ATRNL1: variants seen among roughly 807,000 people sequenced by gnomAD.
ATRNL1 encodes attractin like 1.
ATRNL1 carries 95 observed loss-of-function variants against 182.7 expected under a neutral mutation model. That is an observed-to-expected ratio of 0.52 (90% CI 0.44 to 0.62). The LOEUF (loss-of-function observed/expected upper bound fraction) is 0.62. Ranked by LOEUF, ATRNL1 falls within the 20% of genes least tolerant of loss-of-function variation. ATRNL1 has a pLI of 0.00. For missense variants in ATRNL1, 1,471 were observed against 1,679.5 expected, an observed-to-expected ratio of 0.88 and a Z score of 2.17; for synonymous variants, 576 against 568.3, an observed-to-expected ratio of 1.01 and a Z score of -0.19.
intron 5 of ATRNL1, among the ~76,000 whole-genome samples, chr10:115,151,301 T>A (rs1377030575): frequency 6.6e-6 from 1 of 152,204 alleles, no homozygotes; most frequent in Non-Finnish European, 1.5e-5. Flanking sequence ...CGCCACACTG[T>A]CTTCCACAAT....
intron 26 of ATRNL1, among the ~76,000 whole-genome samples, chr10:115,698,450 T>G (rs560336905): frequency 5.1e-4 from 78 of 152,216 alleles, no homozygotes; most frequent in African/African-American, 1.6e-3. Context: ...TAGAGTTCAG[T>G]TGAACATAAA....
At chr10:115,786,470 A>G (rs1169631147) in intron 27 of ATRNL1, among the ~76,000 whole-genome samples, 1 of 152,096 alleles carries the variant, frequency 6.6e-6, no homozygotes, top group East Asian at 1.9e-4. Flanking sequence ...CAAGCCTAGG[A>G]TTCTTTGGCT....
chr10:115,234,592 C>CTTT (rs554861467), intron 9 of ATRNL1, among the ~76,000 whole-genome samples: 6 of 133,826 alleles, frequency 4.5e-5, no homozygotes, highest in Non-Finnish European at 9.8e-5. Context: ...TTTTCTTTTT[C>CTTT]TTTTTTTTTT....
intron 28 of ATRNL1, among the ~76,000 whole-genome samples, chr10:115,871,944 C>T (rs984835027): frequency 1.4e-4 from 21 of 152,082 alleles, no homozygotes; most frequent in Admixed American, 1.3e-4. Flanking sequence ...GTGTGTTCTC[C>T]CATTTTTCTC....
intron 28 of ATRNL1, among the ~76,000 whole-genome samples, chr10:115,854,487 A>G (rs1179447258): frequency 2.6e-5 from 4 of 152,164 alleles, no homozygotes; most frequent in Non-Finnish European, 5.9e-5. Flanking sequence ...ATCCTTAGCC[A>G]GCTTCTTTTA....
intron 6 of ATRNL1, among the ~76,000 whole-genome samples, chr10:115,160,961 A>G (rs1846756598): frequency 1.3e-5 from 2 of 151,982 alleles, no homozygotes; most frequent in African/African-American, 2.4e-5. Context: ...GATTTAGCAG[A>G]TAAATATACA....
At chr10:115,327,766 T>A (rs1854986204) in intron 18 of ATRNL1, among the ~76,000 whole-genome samples, 1 of 151,982 alleles carries the variant, frequency 6.6e-6, no homozygotes, top group Non-Finnish European at 1.5e-5. Context: ...TAAAAAATGA[T>A]GAGTTCATGT....
intron 21 of ATRNL1, among the ~76,000 whole-genome samples, chr10:115,441,459 A>G (rs373075864): frequency 6.6e-6 from 1 of 151,824 alleles, no homozygotes; most frequent in South Asian, 2.1e-4. Flanking sequence ...CTATTTCTTG[A>G]CTTTCCTATC....
intron 25 of ATRNL1, among the ~76,000 whole-genome samples, chr10:115,538,231 G>A (rs573660983): frequency 6.6e-6 from 1 of 152,276 alleles, no homozygotes; most frequent in African/African-American, 2.4e-5. Context: ...TAGGGTTGCT[G>A]GGTCACAGGG....
At chr10:115,551,907 G>A (rs1853013614) in intron 26 of ATRNL1, among the ~76,000 whole-genome samples, 1 of 151,394 alleles carries the variant, frequency 6.6e-6, no homozygotes, top group Non-Finnish European at 1.5e-5. Flanking sequence ...GAGGTGGGAA[G>A]TGACAGAGAG....
In ATRNL1 at chr10:115,093,963, G is replaced by T; in HGVS notation, c.213G>T (p.Ser71=). 6.3e-7 allele frequency: 1 copy of T among 1,587,900 alleles called. No homozygotes were observed. The highest frequency in any genetic ancestry group is 8.6e-7 in the Non-Finnish European group (1 of 1,169,142). The change falls in exon 1 of 29, where the codon TCG becomes TCT. Residue 71 remains serine (S), a synonymous_variant. Coordinates refer to ENST00000355044, the MANE Select transcript of ATRNL1 (RefSeq NM_207303.4). The surrounding 1 kb of genome is among the most constrained non-coding windows in gnomAD (Gnocchi z 6.1). ...GCGAGAGGACCGGCTCCTGCTTCTC[G>T]GGCCGCTGTGTCAACTCCACCTGCC... ...KPCERTGSCF[S]GRCVNSTCLC...
chr10:115,522,308 T>C (rs560016432), intron 25 of ATRNL1, among the ~76,000 whole-genome samples: 264 of 152,226 alleles, frequency 1.7e-3, no homozygotes, highest in Non-Finnish European at 2.0e-3. Flanking sequence ...CTGCTTCCAC[T>C]CATGGCAGAA....
intron 26 of ATRNL1, among the ~76,000 whole-genome samples, chr10:115,650,918 G>A (rs782181090): frequency 2.0e-5 from 3 of 151,924 alleles, no homozygotes; most frequent in Non-Finnish European, 2.9e-5. Flanking sequence ...TTTTTGTACC[G>A]ATCACTAAAG....
chr10:115,422,370 T>C (rs1455286012), intron 20 of ATRNL1, among the ~76,000 whole-genome samples: 5 of 152,114 alleles, frequency 3.3e-5, no homozygotes. Flanking sequence ...CATTAAAAAG[T>C]GAGCAAAGTA....
intron 19 of ATRNL1, among the ~76,000 whole-genome samples, chr10:115,364,429 T>C (rs1238896024): frequency 1.4e-5 from 2 of 147,518 alleles, no homozygotes; most frequent in African/African-American, 5.1e-5. Flanking sequence ...GCTGAGACAA[T>C]GGGGTTTTCT....
intron 7 of ATRNL1, 139 bp from the exon 8 acceptor site, chr10:115,170,898 T>C (rs979055210): frequency 6.7e-6 from 3 of 446,356 alleles, no homozygotes; most frequent in Non-Finnish European, 1.1e-5. Context: ...TCTCATTACT[T>C]TTTACAAATG....
intron 26 of ATRNL1, among the ~76,000 whole-genome samples, chr10:115,711,031 A>G (rs909809624): frequency 2.3e-4 from 35 of 152,128 alleles, no homozygotes; most frequent in African/African-American, 8.2e-4. Flanking sequence ...GGGTAATAGC[A>G]TAGCTATTGT....
chr10:115,154,189 G>T (rs1846384659), intron 5 of ATRNL1, among the ~76,000 whole-genome samples: 1 of 151,756 alleles, frequency 6.6e-6, no homozygotes, highest in Non-Finnish European at 1.5e-5. Flanking sequence ...ATCTTCTGTC[G>T]AATTGGGGTG....
intron 26 of ATRNL1, among the ~76,000 whole-genome samples, chr10:115,606,990 G>T (rs947694948): frequency 1.3e-5 from 2 of 151,902 alleles, no homozygotes; most frequent in Non-Finnish European, 2.9e-5. Context: ...GAGGGACATT[G>T]TCTTCTTGCA....
Sources: gnomAD v4.1 joint callset for allele counts (sites outside exome capture counted in the v4.1 genomes callset) on GRCh38, gnomAD v4.1.1 for gene constraint, Gnocchi (gnomAD v3.1) non-coding constraint, MANE v1.5 for transcripts, NCBI Gene and HGNC (gene_info 2026-07-23, HGNC 2026-07-21) for gene names.